Variants in RYR3 observed in about 807,000 individuals in gnomAD.
The protein encoded by RYR3 is brain ryanodine receptor-calcium release channel.
A neutral mutation model predicts 584.3 loss-of-function variants in RYR3; 207 were observed. That is an observed-to-expected ratio of 0.35 (90% confidence interval 0.32 to 0.40). The LOEUF (loss-of-function observed/expected upper bound fraction) is 0.40. Among genes scored for constraint, RYR3 ranks in the 10% least tolerant of loss-of-function variants. The pLI, the probability that RYR3 is intolerant of heterozygous loss-of-function variation, is 1.00. For missense variants in RYR3, 5,616 were observed against 6,089.2 expected (o/e 0.92, Z 2.59); for synonymous variants, 2,416 against 2,248.5 (o/e 1.07, Z -2.11).
intron 67 of RYR3, among the ~76,000 whole-genome samples, chr15:33,793,908 T>TAC (rs56757917): frequency 0.54 from 76,319 of 140,518 alleles, 22,741 homozygotes; most frequent in East Asian, 0.94. Flanking sequence ...CACAACACCT[T>TAC]ACACACACAC....
In RYR3 at chr15:33,626,584, G is replaced by A. The variant is rs533191985; in HGVS notation, c.2575-1887G>A. ...AAGGCAATGGGGAAAATGTCTCCAA[G>A]GCATGTCATTGACCTTTGCAGTAGC... On this transcript the variant is annotated intron_variant, in intron 20 of 103. Coordinates refer to ENST00000634891, the MANE Select transcript of RYR3 (RefSeq NM_001036.6). 9.2e-5 allele frequency among the ~76,000 whole-genome samples: 14 copies of A among 152,302 alleles called. No individual in the cohort carries two copies. In the East Asian group the frequency reaches 2.3e-3, roughly 25 times the overall value.
intron 1 of RYR3, among the ~76,000 whole-genome samples, chr15:33,469,012 C>T (rs193174393): frequency 1.3e-5 from 2 of 152,202 alleles, no homozygotes; most frequent in South Asian, 2.1e-4. Flanking sequence ...GGTTCTTGTG[C>T]GTAAAGCATG....
chr15:33,669,651 C>T (rs1441026273), intron 37 of RYR3, among the ~76,000 whole-genome samples, 195 bp downstream of exon 37: 1 of 152,082 alleles, frequency 6.6e-6, no homozygotes, highest in Non-Finnish European at 1.5e-5. Flanking sequence ...AATATATGAC[C>T]AAAATTCCTT....
intron 2 of RYR3, among the ~76,000 whole-genome samples, chr15:33,482,934 C>T (rs1217692225): frequency 6.6e-6 from 1 of 152,028 alleles, no homozygotes; most frequent in East Asian, 1.9e-4. Context: ...TATATTGTTC[C>T]ACAGGTCACT....
At chr15:33,794,898 A>G (rs1036928441) in intron 67 of RYR3, among the ~76,000 whole-genome samples, 9 of 152,124 alleles carry the variant, frequency 5.9e-5, no homozygotes, top group African/African-American at 1.7e-4. Context: ...CCTTTTTCCT[A>G]TCGTGACTTT....
chr15:33,721,140 A>C (rs527519767), intron 43 of RYR3, among the ~76,000 whole-genome samples: 97 of 152,322 alleles, frequency 6.4e-4, no homozygotes, highest in African/African-American at 2.2e-3. Flanking sequence ...CTTCTGGATA[A>C]GTTGTTCTGT....
chr15:33,663,699 C>A lies in RYR3; in HGVS notation c.5581C>A (p.Arg1861=). Residue 1861 remains arginine (R), a synonymous_variant, in exon 36 of 104, where the codon CGG becomes AGG. Transcript: ENST00000634891. The part of the protein sequence containing the change: ...ALNMSAALTA[R]KTKEFRSPPQ... Reference sequence around the variant, plus strand: ...GAACATGTCTGCGGCCCTGACTGCCCGGAAGACCAAGGAGTTCCGCTCACC... The same window carrying A: ...GAACATGTCTGCGGCCCTGACTGCCAGGAAGACCAAGGAGTTCCGCTCACC... 2 of 1,610,818 alleles carry A rather than the reference C, an allele frequency of 1.2e-6. No individual in the cohort carries two copies. Among genetic ancestry groups the A allele is most frequent in the Non-Finnish European group, 1.7e-6 (2 of 1,178,946 alleles).
chr15:33,793,529 C>T (rs964847331), intron 67 of RYR3, among the ~76,000 whole-genome samples: 14 of 151,896 alleles, frequency 9.2e-5, no homozygotes, highest in African/African-American at 1.2e-4. Context: ...CAAAGGGGCT[C>T]GTTATATATA....
intron 57 of RYR3, among the ~76,000 whole-genome samples, chr15:33,751,283 A>G (rs998814755): frequency 3.3e-5 from 5 of 152,234 alleles, no homozygotes; most frequent in East Asian, 1.9e-4. Context: ...TGGTATTTCT[A>G]GTTCTAGATC....
chr15:33,419,699 A>G (rs976958708), intron 1 of RYR3, among the ~76,000 whole-genome samples: 7 of 152,100 alleles, frequency 4.6e-5, no homozygotes, highest in African/African-American at 1.7e-4. Flanking sequence ...ATTCGTTTGG[A>G]TTATTGCTGA....
At position 33,486,188 on chromosome 15, in the gene RYR3, A is replaced by G. The variant is rs139533238; in HGVS notation, c.171+12650A>G. Among the ~76,000 whole-genome samples the G allele has an allele frequency of 4.9e-3, 752 of 152,310 alleles. 3 individuals carry two copies. Among genetic ancestry groups the G allele is most frequent in the Middle Eastern group, 0.017 (5 of 294 alleles). ...AGGGCTACTGTAACAAATTACCACA[A>G]TCTAGATGGCTGAAAACAACAAATT... On this transcript the variant is annotated intron_variant, in intron 2 of 103. Coordinates refer to ENST00000634891, the MANE Select transcript of RYR3 (RefSeq NM_001036.6).
At chr15:33,818,103 A>T (rs950706970) in intron 75 of RYR3, among the ~76,000 whole-genome samples, 1 of 152,202 alleles carries the variant, frequency 6.6e-6, no homozygotes, top group African/African-American at 2.4e-5. Flanking sequence ...GAATAGTATT[A>T]GACCCAAAAT....
intron 16 of RYR3, 80 bp downstream of exon 16, chr15:33,586,196 G>C: frequency 2.4e-6 from 2 of 826,854 alleles, no homozygotes; most frequent in Non-Finnish European, 4.1e-6. Context: ...TTTACTGAGA[G>C]CATGTTGATT....
At position 33,865,285 on chromosome 15, in the gene RYR3, C is replaced by T. The variant is rs200126350; in HGVS notation, c.*59C>T. ...GTCAACTTCCCATGAAATAAAGTCC[C>T]CTTTTTACAGTTCTGCAACATATCT... On this transcript the variant is annotated 3_prime_UTR_variant, in exon 104 of 104. Coordinates refer to ENST00000634891, the MANE Select transcript of RYR3 (RefSeq NM_001036.6). The T allele has an allele frequency of 0.035, 42,641 of 1,228,148 alleles. 1,122 individuals carry two copies. The highest frequency in any genetic ancestry group is 0.036 in the Non-Finnish European group (30,357 of 843,140). 76.1% of individuals were successfully genotyped at this position (1,228,148 alleles called of 1,614,324 possible).
intron 1 of RYR3, among the ~76,000 whole-genome samples, chr15:33,436,508 T>G (rs1488636620): frequency 6.6e-6 from 1 of 151,202 alleles, no homozygotes; most frequent in African/African-American, 2.4e-5. Context: ...ATTCTTTTTT[T>G]TTTTTTTTTT....
At chr15:33,431,213 A>G (rs1446026446) in intron 1 of RYR3, among the ~76,000 whole-genome samples, 1 of 152,216 alleles carries the variant, frequency 6.6e-6, no homozygotes, top group Non-Finnish European at 1.5e-5. Flanking sequence ...CTGCCACGTA[A>G]CAAAAGCAAA....
At chr15:33,430,651 G>A (rs113177046) in intron 1 of RYR3, among the ~76,000 whole-genome samples, 10 of 152,268 alleles carry the variant, frequency 6.6e-5, no homozygotes, top group African/African-American at 2.4e-4. Flanking sequence ...AAAACAATGC[G>A]GGGACATGTG....
At chr15:33,520,213 A>C (rs1033941040) in intron 3 of RYR3, among the ~76,000 whole-genome samples, 4 of 152,194 alleles carry the variant, frequency 2.6e-5, no homozygotes, top group Non-Finnish European at 5.9e-5. Flanking sequence ...ATGATAAAAA[A>C]CTTACTCCTA....
intron 1 of RYR3, among the ~76,000 whole-genome samples, chr15:33,387,415 C>T (rs1347639641): frequency 6.6e-6 from 1 of 152,138 alleles, no homozygotes; most frequent in Non-Finnish European, 1.5e-5. Context: ...CCACACTCTT[C>T]CATAGCAGCA....
Sources: gnomAD v4.1 joint callset for allele counts (sites outside exome capture counted in the v4.1 genomes callset) on GRCh38, gnomAD v4.1.1 for gene constraint, MANE v1.5 for transcripts, NCBI Gene and HGNC (gene_info 2026-07-23, HGNC 2026-07-21) for gene names.